Variants in FGD6 observed in about 807,000 individuals in gnomAD.
The protein encoded by FGD6 is FYVE, RhoGEF and PH domain-containing protein 6.
FGD6 carries 90 observed loss-of-function variants against 149.4 expected under a neutral mutation model. The ratio of observed to expected loss-of-function variants is 0.60; its 90% CI spans 0.51 to 0.72. The LOEUF is 0.72. Ranked by LOEUF, FGD6 falls within the 30% of genes least tolerant of loss-of-function variation. FGD6 has a pLI of 0.00. For missense variants in FGD6, 1,437 were observed against 1,684.8 expected, an observed-to-expected ratio of 0.85 and a Z score of 2.57; for synonymous variants, 527 against 584.0, an observed-to-expected ratio of 0.90 and a Z score of 1.41.
At chr12:95,084,368 A>C (rs1877789842) in intron 20 of FGD6, 130 bp downstream of exon 20, 2 of 741,016 alleles carry the variant, frequency 2.7e-6, no homozygotes, top group Non-Finnish European at 4.1e-6. Context: ...TAATACGTTA[A>C]ATCTTTCTAA....
intron 5 of FGD6, among the ~76,000 whole-genome samples, chr12:95,148,665 T>C (rs1162143453): frequency 8.3e-6 from 1 of 120,480 alleles, no homozygotes; most frequent in Non-Finnish European, 1.6e-5. Flanking sequence ...TATTATATAA[T>C]ACATAGCATA....
intron 1 of FGD6, among the ~76,000 whole-genome samples, chr12:95,215,434 G>T (rs565715574): frequency 9.2e-5 from 14 of 152,310 alleles, no homozygotes; most frequent in African/African-American, 3.1e-4. Context: ...TAATCAGCTT[G>T]TAAGAACTAT....
chr12:95,185,248 C>T (rs570412363), intron 2 of FGD6, among the ~76,000 whole-genome samples: 1 of 152,134 alleles, frequency 6.6e-6, no homozygotes, highest in East Asian at 1.9e-4. Flanking sequence ...TTATTTTTAG[C>T]TTCTTTGATT....
chr12:95,076,908 C>T lies in FGD6; in HGVS notation c.*4612G>A, dbSNP rs758160272. The T allele has an allele frequency of 1.3e-5, 2 of 148,584 alleles. No homozygotes were observed. Among genetic ancestry groups the T allele is most frequent in the African/African-American group, 2.5e-5 (1 of 40,516 alleles). 9.2% of individuals were successfully genotyped at this position (148,584 alleles called of 1,614,324 possible). ...ACATTATAAGCCATTAAAAAAAAAA[C>T]GATATTTCAAGATTGGTTCTTACAT... On this transcript the variant is annotated 3_prime_UTR_variant, in exon 21 of 21. Transcript: ENST00000343958.
At chr12:95,102,078 G>GTA (rs1878458872) in intron 14 of FGD6, among the ~76,000 whole-genome samples, 1 of 151,484 alleles carries the variant, frequency 6.6e-6, no homozygotes, top group Non-Finnish European at 1.5e-5. Flanking sequence ...GGCTGAGTGG[G>GTA]GGTGGATCAC....
intron 2 of FGD6, among the ~76,000 whole-genome samples, chr12:95,177,321 C>G (rs1881161518): frequency 6.6e-6 from 1 of 152,166 alleles, no homozygotes; most frequent in Non-Finnish European, 1.5e-5. Flanking sequence ...AAAGGAAAAG[C>G]TGAGTTAAGA....
chr12:95,191,757 G>A (rs958426876), intron 2 of FGD6, among the ~76,000 whole-genome samples: 5 of 151,902 alleles, frequency 3.3e-5, no homozygotes, highest in Non-Finnish European at 5.9e-5. Flanking sequence ...TTATTATTTT[G>A]AGACAGTTTC....
At chr12:95,089,204 A>G (rs1877971216) in intron 18 of FGD6, among the ~76,000 whole-genome samples, 1 of 152,228 alleles carries the variant, frequency 6.6e-6, no homozygotes, top group African/African-American at 2.4e-5. Context: ...AATGCCTACA[A>G]ATAAACCGTG....
At chr12:95,119,100 A>G (rs1462174068) in intron 8 of FGD6, among the ~76,000 whole-genome samples, 4 of 151,982 alleles carry the variant, frequency 2.6e-5, no homozygotes, top group African/African-American at 9.7e-5. Flanking sequence ...CTAAGTCTTT[A>G]GATGATGATG....
chr12:95,157,663 T>C (rs1880512006), intron 3 of FGD6, among the ~76,000 whole-genome samples: 1 of 151,980 alleles, frequency 6.6e-6, no homozygotes, highest in Non-Finnish European at 1.5e-5. Flanking sequence ...TTTAAATGGA[T>C]TACTAATTCA....
chr12:95,126,421 T>C (rs1314494499), intron 8 of FGD6: 1 of 1,224,986 alleles, frequency 8.2e-7, no homozygotes. Context: ...ATAAAGGTTC[T>C]TTAAAAAAAA....
intron 14 of FGD6, chr12:95,100,778 A>G: frequency 2.2e-6 from 1 of 464,370 alleles, no homozygotes. Context: ...AATAGTGATG[A>G]GCGAACAGAA....
At chr12:95,135,203 T>G (rs183130522) in intron 7 of FGD6, among the ~76,000 whole-genome samples, 7 of 152,182 alleles carry the variant, frequency 4.6e-5, no homozygotes, top group Non-Finnish European at 8.8e-5. Context: ...AGGAAATGCA[T>G]GGCCCCTAAA....
chr12:95,212,707 G>T (rs1361502547), intron 1 of FGD6, among the ~76,000 whole-genome samples: 1 of 152,144 alleles, frequency 6.6e-6, no homozygotes, highest in African/African-American at 2.4e-5. Context: ...TTAATTACTT[G>T]AATAGACAGG....
In FGD6 at chr12:95,209,177, T is replaced by A. The variant is rs1365865281; in HGVS notation, c.2107A>T (p.Lys703Ter). 6.2e-7 allele frequency: 1 copy of A among 1,614,052 alleles called. No individual in the cohort carries two copies. Among genetic ancestry groups the A allele is most frequent in the African/African-American group, 1.3e-5 (1 of 74,914 alleles). The change falls in exon 2 of 21, where the codon AAG (lysine) becomes TAG (stop). Residue 703 changes from lysine (K) to a stop codon, truncating the protein, a stop_gained. Coordinates refer to ENST00000343958, the MANE Select transcript of FGD6 (RefSeq NM_018351.4). LOFTEE classifies it high-confidence loss of function. ...GTCTGGCCCCGAGACTTCTTCCTCT[T>A]CTTTTGAGATTCCAGGCTATAGTTT... is the stretch of plus-strand genomic sequence containing the variant. ...TENYSLESQKKRKKSRGQTSA... is the reference protein window; with the variant it reads ...TENYSLESQK
intron 2 of FGD6, among the ~76,000 whole-genome samples, chr12:95,180,288 GT>G (rs1333002706): frequency 1.3e-5 from 2 of 151,852 alleles, no homozygotes; most frequent in Non-Finnish European, 2.9e-5. Flanking sequence ...ATACCAGGCT[GT>G]CCCCGAACAC....
At chr12:95,204,763 G>A (rs1245275582) in intron 2 of FGD6, among the ~76,000 whole-genome samples, 1 of 152,122 alleles carries the variant, frequency 6.6e-6, no homozygotes, top group Non-Finnish European at 1.5e-5. Context: ...CTTGGGCTGG[G>A]GTAGGGAGAG....
chr12:95,146,874 CA>C (rs11321537), intron 5 of FGD6, among the ~76,000 whole-genome samples: 29,380 of 151,940 alleles, frequency 0.19, 3,058 homozygotes, highest in Non-Finnish European at 0.21. Context: ...AAGACCTAAG[CA>C]AAAAATCAAT....
chr12:95,101,784 G>GC (rs777734763), intron 14 of FGD6, among the ~76,000 whole-genome samples: 15 of 144,368 alleles, frequency 1.0e-4, no homozygotes, highest in Non-Finnish European at 2.2e-4. Context: ...CTGGGTTCAA[G>GC]CAATTCTCCT....
Sources: allele counts gnomAD v4.1 joint callset (sites outside exome capture counted in the v4.1 genomes callset), GRCh38; gene constraint gnomAD v4.1.1; transcripts MANE v1.5; gene names NCBI Gene and HGNC (gene_info 2026-07-23, HGNC 2026-07-21).